The following CCDC192 variants were observed in gnomAD, a reference collection of about 807,000 sequenced individuals.
The protein encoded by CCDC192 is coiled-coil domain-containing protein 192.
intron 5 of CCDC192, among the ~76,000 whole-genome samples, chr5:127,860,208 A>G (rs147677295): frequency 6.6e-6 from 1 of 152,288 alleles, no homozygotes; most frequent in East Asian, 1.9e-4. Context: ...AAAGAAAGGG[A>G]TTATGCTTAT....
intron 5 of CCDC192, among the ~76,000 whole-genome samples, chr5:127,869,548 AT>A (rs1561532068): frequency 6.6e-6 from 1 of 152,210 alleles, no homozygotes. Context: ...ACTGGAATTC[AT>A]CCCAAGTGTA....
intron 6 of CCDC192, among the ~76,000 whole-genome samples, chr5:127,906,293 T>C (rs1007676209): frequency 6.6e-6 from 1 of 152,236 alleles, no homozygotes; most frequent in African/African-American, 2.4e-5. Flanking sequence ...CTTTTGTATC[T>C]GGTTTATTTC....
At chr5:127,750,038 A>G (rs985027578) in intron 2 of CCDC192, among the ~76,000 whole-genome samples, 25 of 151,482 alleles carry the variant, frequency 1.7e-4, no homozygotes, top group Non-Finnish European at 3.1e-4. Flanking sequence ...CGGTCTATCA[A>G]TTTTGTTGAT....
chr5:127,940,881 T>G (rs1190388689), intron 6 of CCDC192: 5 of 247,284 alleles, frequency 2.0e-5, no homozygotes, highest in Admixed American at 5.5e-5. Flanking sequence ...AGATTGGATT[T>G]TCATGAATTA....
chr5:127,913,757 G>C (rs562050839), intron 6 of CCDC192, among the ~76,000 whole-genome samples: 2 of 152,214 alleles, frequency 1.3e-5, no homozygotes, highest in Admixed American at 6.5e-5. Context: ...GATAAAACCA[G>C]ATGAACTGCC....
At chr5:127,876,585 C>G (rs1240089536) in intron 6 of CCDC192, among the ~76,000 whole-genome samples, 1 of 152,202 alleles carries the variant, frequency 6.6e-6, no homozygotes, top group South Asian at 2.1e-4. Context: ...CCTGGTGAAT[C>G]TCTTGCAAAG....
At chr5:127,922,037 G>A (rs1400306013) in intron 6 of CCDC192, among the ~76,000 whole-genome samples, 1 of 152,104 alleles carries the variant, frequency 6.6e-6, no homozygotes, top group Non-Finnish European at 1.5e-5. Context: ...GGACCTCAAC[G>A]AATTGGATTC....
chr5:127,923,194 A>G lies in CCDC192; in HGVS notation c.536-17988A>G, dbSNP rs537261356. ...TGTTGAACAAAAACAGTAGTAAATG[A>G]TACACTATTATTGAAATTTGGTATA... On this transcript the variant is annotated intron_variant, in intron 6 of 6. Transcript: ENST00000514853. Among the ~76,000 whole-genome samples the G allele has an allele frequency of 7.9e-5, 12 of 152,330 alleles. No individual in the cohort carries two copies. The South Asian group carries it at 2.1e-3, about 26-fold the overall frequency.
chr5:127,776,195 A>T (rs1332932521), intron 3 of CCDC192, among the ~76,000 whole-genome samples: 2 of 152,224 alleles, frequency 1.3e-5, no homozygotes, highest in Non-Finnish European at 2.9e-5. Flanking sequence ...AATGGCTTTG[A>T]CAAAAATGCT....
chr5:127,903,116 G>T (rs556675699), intron 6 of CCDC192, among the ~76,000 whole-genome samples: 37 of 152,116 alleles, frequency 2.4e-4, no homozygotes, highest in African/African-American at 8.9e-4. Flanking sequence ...CTCTTCCATT[G>T]CTGTAAAGAG....
intron 3 of CCDC192, among the ~76,000 whole-genome samples, chr5:127,761,310 C>A (rs1268078677): frequency 1.3e-5 from 2 of 152,132 alleles, no homozygotes; most frequent in Non-Finnish European, 2.9e-5. Context: ...ATTGATAAGA[C>A]CCCTGACTCA....
chr5:127,860,588 A>G (rs1442819202), intron 5 of CCDC192, among the ~76,000 whole-genome samples: 1 of 152,230 alleles, frequency 6.6e-6, no homozygotes. Flanking sequence ...AAAGATAGCA[A>G]TAAAAGTCCC....
intron 5 of CCDC192, among the ~76,000 whole-genome samples, chr5:127,809,349 T>C (rs1285355319): frequency 6.6e-6 from 1 of 152,172 alleles, no homozygotes; most frequent in East Asian, 1.9e-4. Flanking sequence ...TAACTTCCCA[T>C]GCAATATAGC....
At chr5:127,880,833 A>G (rs1016734225) in intron 6 of CCDC192, among the ~76,000 whole-genome samples, 3 of 151,990 alleles carry the variant, frequency 2.0e-5, no homozygotes, top group African/African-American at 7.3e-5. Context: ...TACAAAAACT[A>G]GCTGGATATG....
chr5:127,915,831 A>G (rs1041474769), intron 6 of CCDC192, among the ~76,000 whole-genome samples: 3 of 152,074 alleles, frequency 2.0e-5, no homozygotes, highest in African/African-American at 4.8e-5. Flanking sequence ...GGATCCCCCT[A>G]TGACAGAGGG....
At chr5:127,787,396 G>A (rs945227778) in intron 3 of CCDC192, among the ~76,000 whole-genome samples, 101 of 152,246 alleles carry the variant, frequency 6.6e-4, no homozygotes, top group African/African-American at 2.3e-3. Context: ...TCCTGCTGCC[G>A]CCACCTCGTC....
In CCDC192 at chr5:127,855,164, G is replaced by T. The variant is rs561632374; in HGVS notation, c.412-20374G>T. 1.1e-4 allele frequency among the ~76,000 whole-genome samples: 17 copies of T among 152,272 alleles called. 1 individual carries two copies. In the South Asian group the frequency reaches 3.3e-3, roughly 30 times the overall value. On this transcript the variant is annotated intron_variant, in intron 5 of 6. Transcript: ENST00000514853. ...TCTTGCTTTCGTGAAAGATTCTGTA[G>T]TATGCCACACTATTTAATAGCATGT... is the stretch of plus-strand genomic sequence containing the variant.
chr5:127,835,524 G>A (rs549810736), intron 5 of CCDC192, among the ~76,000 whole-genome samples: 1 of 152,226 alleles, frequency 6.6e-6, no homozygotes, highest in East Asian at 1.9e-4. Flanking sequence ...CTATTAGAAT[G>A]TGCGTAGGTT....
chr5:127,812,135 G>A (rs1245616626), intron 5 of CCDC192, among the ~76,000 whole-genome samples: 1 of 152,120 alleles, frequency 6.6e-6, no homozygotes, highest in East Asian at 1.9e-4. Flanking sequence ...GGTTAAATGT[G>A]TTAATTTTTA....
Sources: gnomAD v4.1 joint callset for allele counts (sites outside exome capture counted in the v4.1 genomes callset) on GRCh38, gnomAD v4.1.1 for gene constraint, MANE v1.5 for transcripts, NCBI Gene and HGNC (gene_info 2026-07-23, HGNC 2026-07-21) for gene names.